BRD9: variants seen among roughly 807,000 people sequenced by gnomAD.
BRD9 encodes the protein bromodomain-containing protein 9.
In BRD9, 47 loss-of-function variants were observed where a neutral mutation model predicts 68.7. The observed-to-expected ratio is 0.68, with a 90% CI of 0.54 to 0.87. BRD9 has a LOEUF of 0.87. Ranked by LOEUF, BRD9 falls within the 40% of genes least tolerant of loss-of-function variation. BRD9 has a pLI of 0.00. For synonymous variants in BRD9, 313 were observed against 293.9 expected, an observed-to-expected ratio of 1.06 and a Z score of -0.67; for missense variants, 670 against 748.4, an observed-to-expected ratio of 0.90 and a Z score of 1.22.
intron 8 of BRD9, 75 bp from the exon 9 acceptor site, chr5:881,257 G>T: frequency 7.1e-7 from 1 of 1,416,486 alleles, no homozygotes; most frequent in Non-Finnish European, 9.9e-7. Context: ...AGACCAACAA[G>T]CAGGGCTTAA....
chr5:884,219 G>A, intron 7 of BRD9, 149 bp from the exon 8 acceptor site: 4 of 942,124 alleles, frequency 4.2e-6, no homozygotes, highest in South Asian at 1.7e-5. Context: ...AGGTCTCAAA[G>A]CATCCCTTTT....
intron 7 of BRD9, among the ~76,000 whole-genome samples, chr5:886,330 C>CA (rs1277650231): frequency 6.6e-6 from 1 of 152,184 alleles, no homozygotes; most frequent in Non-Finnish European, 1.5e-5. Context: ...CGTGTAGAGA[C>CA]AGAGACCACC....
Position 876,173 on chromosome 5 carries a change from C to G in BRD9, c.1311G>C (p.Lys437Asn). 6.2e-7 allele frequency: 1 copy of G among 1,613,964 alleles called. No homozygotes were observed. Among genetic ancestry groups the G allele is most frequent in the Non-Finnish European group, 8.5e-7 (1 of 1,179,970 alleles). Reference protein sequence around the residue: ...EFVKDAGSYSKKVVDDLLDQI... With the variant: ...EFVKDAGSYSNKVVDDLLDQI... ...GGTCCAGGAGGTCGTCCACCACTTT[C>G]TTGCTGTAGCTCCCAGCATCCTTCA... is the stretch of plus-strand genomic sequence containing the variant. The change falls in exon 12 of 16, where the codon AAG (lysine) becomes AAC (asparagine). Residue 437 changes from lysine to asparagine, a missense_variant. This residue lies in a region of BRD9 where 280 missense variants were observed against 281.5 expected (regional missense o/e 0.99). Coordinates refer to ENST00000467963, the MANE Select transcript of BRD9 (RefSeq NM_023924.5).
chr5:881,282 C>A, intron 8 of BRD9, 100 bp from the exon 9 acceptor site: 1 of 1,161,552 alleles, frequency 8.6e-7, no homozygotes. Context: ...GGTGAAAGCA[C>A]ATTTGTCCAA....
intron 2 of BRD9, 26 bp from the exon 3 acceptor site, chr5:891,313 G>C: frequency 1.4e-5 from 22 of 1,548,956 alleles, no homozygotes; most frequent in Non-Finnish European, 1.9e-5. Flanking sequence ...AAGGGAGTGA[G>C]AAAGGCAGGA....
intron 4 of BRD9, 83 bp from the exon 5 acceptor site, chr5:889,248 A>G: frequency 1.4e-6 from 2 of 1,407,328 alleles, no homozygotes; most frequent in Non-Finnish European, 1.9e-6. Flanking sequence ...ATTGGATACA[A>G]CTGACCGAAT....
At position 886,690 on chromosome 5, in the gene BRD9, G is replaced by C; in HGVS notation, c.735C>G (p.Gly245=). 1 of 1,614,086 alleles carries C rather than the reference G, an allele frequency of 6.2e-7. No individual in the cohort carries two copies. The highest frequency in any genetic ancestry group is 8.5e-7 in the Non-Finnish European group (1 of 1,180,010). ...GTTCCTCAACAGCTGTATCTTCATT[G>C]CCCAAAAGAGCTGCCTGCTGAGAAA... The part of the protein sequence containing the change: ...KMMSKQAALL[G]NEDTAVEEPV... Residue 245 remains glycine (G), a synonymous_variant, in exon 7 of 16, where the codon GGC becomes GGG. Coordinates refer to ENST00000467963, the MANE Select transcript of BRD9 (RefSeq NM_023924.5).
At chr5:875,417 G>A (rs993175416) in intron 12 of BRD9, among the ~76,000 whole-genome samples, 1 of 150,908 alleles carries the variant, frequency 6.6e-6, no homozygotes, top group Non-Finnish European at 1.5e-5. Flanking sequence ...GCATGATCTC[G>A]GCTCACTGCA....
intron 14 of BRD9, among the ~76,000 whole-genome samples, chr5:870,073 G>A (rs1055977537): frequency 1.3e-5 from 2 of 152,202 alleles, no homozygotes; most frequent in African/African-American, 4.8e-5. Flanking sequence ...AGGTGGGAGC[G>A]ATGCAGAGGG....
chr5:878,200 T>A (rs532096055), intron 11 of BRD9, among the ~76,000 whole-genome samples, 155 bp downstream of exon 11: 1 of 152,340 alleles, frequency 6.6e-6, no homozygotes, highest in East Asian at 1.9e-4. Context: ...CAGACCTGTG[T>A]GGATGACTGA....
chr5:888,978 C>A, intron 5 of BRD9, 43 bp downstream of exon 5: 3 of 1,580,852 alleles, frequency 1.9e-6, no homozygotes, highest in Non-Finnish European at 2.6e-6. Flanking sequence ...CATGAATACA[C>A]AGAACTATGC....
chr5:886,222 A>C (rs1043517210), intron 7 of BRD9, among the ~76,000 whole-genome samples: 1 of 152,168 alleles, frequency 6.6e-6, no homozygotes, highest in African/African-American at 2.4e-5. Flanking sequence ...TGGCTGCCCA[A>C]AGTCAGCCCG....
rs532653072 is a variant in BRD9, at chr5:872,714, T to C, written c.1384-1150A>G. 8.6e-4 allele frequency among the ~76,000 whole-genome samples: 131 copies of C among 152,328 alleles called. 1 individual carries two copies. Among genetic ancestry groups the C allele is most frequent in the African/African-American group, 3.0e-3 (123 of 41,582 alleles). ...CCTGCGAGCCCTCCAAGCATGGAAA[T>C]CAAGGAAAATCTTGAGTTCCTTCAA... On this transcript the variant is annotated intron_variant, in intron 12 of 15. Transcript: ENST00000467963.
At chr5:884,229 T>C (rs570743102) in intron 7 of BRD9, among the ~76,000 whole-genome samples, 159 bp from the exon 8 acceptor site, 1 of 152,288 alleles carries the variant, frequency 6.6e-6, no homozygotes, top group African/African-American at 2.4e-5. Context: ...GCATCCCTTT[T>C]CACCCTAACC....
At chr5:864,750 G>A (rs1016636329) in intron 15 of BRD9, among the ~76,000 whole-genome samples, 182 bp from the exon 16 acceptor site, 1 of 152,094 alleles carries the variant, frequency 6.6e-6, no homozygotes, top group Non-Finnish European at 1.5e-5. Context: ...GCCAGGGGTC[G>A]CCCTGACCCA....
chr5:877,152 A>G (rs79307605), intron 11 of BRD9, among the ~76,000 whole-genome samples: 2,417 of 152,334 alleles, frequency 0.016, 64 homozygotes, highest in African/African-American at 0.054. Flanking sequence ...GATGTGCCAC[A>G]TGGACAACAG....
chr5:867,990 A>G (rs1017626177), intron 14 of BRD9, among the ~76,000 whole-genome samples: 5 of 152,204 alleles, frequency 3.3e-5, no homozygotes, highest in Non-Finnish European at 7.3e-5. Flanking sequence ...CCCAAATCTC[A>G]TGTTGAATTG....
chr5:876,683 A>G (rs745595366), intron 11 of BRD9, among the ~76,000 whole-genome samples: 14 of 152,212 alleles, frequency 9.2e-5, no homozygotes, highest in Admixed American at 5.9e-4. Context: ...CTTAAAAAAT[A>G]AAATATAATA....
intron 1 of BRD9, chr5:892,096 T>C (rs1753513961): frequency 1.7e-6 from 1 of 580,850 alleles, no homozygotes; most frequent in Non-Finnish European, 3.0e-6. Context: ...CCAGAGGCCC[T>C]GTGGGATGTT....
Sources: gnomAD v4.1 joint callset for allele counts (sites outside exome capture counted in the v4.1 genomes callset) on GRCh38, gnomAD v4.1.1 for gene constraint, gnomAD v4.1.1 regional missense constraint, MANE v1.5 for transcripts, NCBI Gene and HGNC (gene_info 2026-07-23, HGNC 2026-07-21) for gene names.